ARHGAP39: variants seen among roughly 807,000 people sequenced by gnomAD.
ARHGAP39 encodes rho GTPase-activating protein 39.
ARHGAP39 carries 44 observed loss-of-function variants against 106.9 expected under a neutral mutation model. The observed-to-expected ratio is 0.41, with a 90% CI of 0.32 to 0.53. ARHGAP39 has a LOEUF of 0.53. Ranked by LOEUF, ARHGAP39 falls within the 20% of genes least tolerant of loss-of-function variation. The pLI is 0.21. For missense variants in ARHGAP39, 1,496 were observed against 1,577.3 expected (o/e 0.95, Z 0.87); for synonymous variants, 768 against 693.2 (o/e 1.11, Z -1.69).
chr8:144,659,363 T>C (rs1821769201), intron 1 of ARHGAP39, among the ~76,000 whole-genome samples: 1 of 152,206 alleles, frequency 6.6e-6, no homozygotes. Flanking sequence ...GAATGCTTCT[T>C]AACACAATTA....
chr8:144,600,729 CGT>C (rs1187630381), intron 2 of ARHGAP39, among the ~76,000 whole-genome samples: 11 of 134,612 alleles, frequency 8.2e-5, no homozygotes, highest in African/African-American at 3.1e-4. Context: ...CCTGAGTGTG[CGT>C]GTTCAAGGCG....
At chr8:144,657,077 A>T (rs1343049460) in intron 1 of ARHGAP39, among the ~76,000 whole-genome samples, 1 of 152,068 alleles carries the variant, frequency 6.6e-6, no homozygotes, top group African/African-American at 2.4e-5. Context: ...TTTAAGAACA[A>T]TAATTAAAAT....
intron 3 of ARHGAP39, among the ~76,000 whole-genome samples, chr8:144,558,654 C>T (rs573648816): frequency 6.6e-6 from 1 of 152,188 alleles, no homozygotes; most frequent in African/African-American, 2.4e-5. Flanking sequence ...AAATGTTCAG[C>T]GGGAGTACTT....
At chr8:144,677,003 C>G (rs899921069) in intron 1 of ARHGAP39, among the ~76,000 whole-genome samples, 2 of 152,270 alleles carry the variant, frequency 1.3e-5, no homozygotes, top group African/African-American at 4.8e-5. Flanking sequence ...CTCTTGACCT[C>G]ATGATCCGCC....
chr8:144,630,446 C>T (rs1050064706), intron 1 of ARHGAP39, among the ~76,000 whole-genome samples: 4 of 152,252 alleles, frequency 2.6e-5, no homozygotes, highest in Non-Finnish European at 4.4e-5. Context: ...TGGCCCCCAG[C>T]TTCTGCAGCC....
chr8:144,584,721 C>T (rs1470005921), intron 2 of ARHGAP39, among the ~76,000 whole-genome samples: 4 of 152,188 alleles, frequency 2.6e-5, no homozygotes, highest in Non-Finnish European at 4.4e-5. Flanking sequence ...TGAGATCACG[C>T]CACTGCACTC....
At chr8:144,545,832 G>A in intron 5 of ARHGAP39, 22 bp from the exon 6 acceptor site, 1 of 1,468,482 alleles carries the variant, frequency 6.8e-7, no homozygotes. Context: ...AAATGCGGCT[G>A]GGCTGTTGGG....
chr8:144,686,944 CT>C (rs1220134031), upstream of ARHGAP39, among the ~76,000 whole-genome samples: 335 of 44,246 alleles, frequency 7.6e-3, 24 homozygotes, highest in African/African-American at 0.023. Flanking sequence ...TTTCCCACCC[CT>C]GTGACCACGC....
chr8:144,537,592 A>C, intron 7 of ARHGAP39, 129 bp downstream of exon 7: 1 of 827,986 alleles, frequency 1.2e-6, no homozygotes, highest in African/African-American at 1.7e-5. Context: ...TCAGGAGGCC[A>C]CAGGCCTGAG....
intron 6 of ARHGAP39, among the ~76,000 whole-genome samples, chr8:144,540,784 TG>T (rs1322035924): frequency 6.6e-6 from 1 of 151,964 alleles, no homozygotes; most frequent in Non-Finnish European, 1.5e-5. Context: ...GGCAATACAG[TG>T]AGAACCTGTC....
At position 144,587,521 on chromosome 8, in the gene ARHGAP39, T is replaced by C. The variant is rs376252272; in HGVS notation, c.81-6244A>G. Among the ~76,000 whole-genome samples the C allele has an allele frequency of 6.6e-5, 10 of 152,154 alleles. No individual in the cohort carries two copies. The East Asian group carries it at 1.7e-3, about 26-fold the overall frequency. On this transcript the variant is annotated intron_variant, in intron 2 of 11. Transcript: ENST00000377307. ...TTAAGAAGAAACTAATGCTGAAGGA[T>C]AGAGGGACGGAGCACAGGATAGTCA...
At chr8:144,576,905 C>T (rs1818798856) in intron 3 of ARHGAP39, among the ~76,000 whole-genome samples, 1 of 152,194 alleles carries the variant, frequency 6.6e-6, no homozygotes. Flanking sequence ...AAGTTGTTCT[C>T]CAGAGGGACC....
intron 1 of ARHGAP39, among the ~76,000 whole-genome samples, chr8:144,635,741 G>C (rs1429861143): frequency 6.7e-6 from 1 of 149,818 alleles, no homozygotes; most frequent in Non-Finnish European, 1.5e-5. Context: ...GGGGGCTGAG[G>C]CTACCGCCAG....
At chr8:144,669,236 G>C (rs1243678912) in intron 1 of ARHGAP39, among the ~76,000 whole-genome samples, 1 of 149,526 alleles carries the variant, frequency 6.7e-6, no homozygotes, top group Admixed American at 6.7e-5. Context: ...GCCAGGCACA[G>C]TGGCTCATGC....
intron 2 of ARHGAP39, among the ~76,000 whole-genome samples, chr8:144,603,635 A>G (rs1820165793): frequency 6.7e-6 from 1 of 150,086 alleles, no homozygotes; most frequent in Admixed American, 6.7e-5. Flanking sequence ...GCTTGCATTG[A>G]GCTGAGATCA....
chr8:144,573,657 A>G (rs1488492149), intron 3 of ARHGAP39, among the ~76,000 whole-genome samples: 1 of 152,234 alleles, frequency 6.6e-6, no homozygotes, highest in East Asian at 1.9e-4. Context: ...TCATTTAATT[A>G]ACATATGCAG....
chr8:144,581,316 G>A (rs1239389163), intron 2 of ARHGAP39, 39 bp from the exon 3 acceptor site: 1 of 1,506,180 alleles, frequency 6.6e-7, no homozygotes, highest in South Asian at 1.3e-5. Context: ...GAGCCACGGC[G>A]GCCTGGGCCC....
intron 2 of ARHGAP39, among the ~76,000 whole-genome samples, chr8:144,599,536 G>A (rs1231965929): frequency 6.6e-6 from 1 of 152,218 alleles, no homozygotes; most frequent in Non-Finnish European, 1.5e-5. Context: ...CAGGTAGGCA[G>A]GTGCAGAAAG....
At chr8:144,615,596 T>G (rs908859776) in intron 1 of ARHGAP39, among the ~76,000 whole-genome samples, 2 of 152,354 alleles carry the variant, frequency 1.3e-5, no homozygotes, top group East Asian at 3.9e-4. Flanking sequence ...TTAAATCTTG[T>G]TCCCTATTTT....
Sources: allele counts gnomAD v4.1 joint callset (sites outside exome capture counted in the v4.1 genomes callset), GRCh38; gene constraint gnomAD v4.1.1; transcripts MANE v1.5; gene names NCBI Gene and HGNC (gene_info 2026-07-23, HGNC 2026-07-21).